MARK2: variants seen among roughly 807,000 people sequenced by gnomAD.
MARK2 encodes microtubule affinity regulating kinase 2.
MARK2 carries 16 observed loss-of-function variants against 89.8 expected under a neutral mutation model. The ratio of observed to expected loss-of-function variants is 0.18; its 90% CI spans 0.12 to 0.27. The LOEUF (loss-of-function observed/expected upper bound fraction) is 0.27, where lower values mean the gene tolerates loss of function less well. Ranked by LOEUF, MARK2 falls within the 10% of genes least tolerant of loss-of-function variation. The pLI is 1.00. For synonymous variants in MARK2, 382 were observed against 399.5 expected (o/e 0.96, Z 0.52); for missense variants, 621 against 1,049.9 (o/e 0.59, Z 5.65).
Position 63,900,929 on chromosome 11 carries a change from A to G in MARK2, c.989-28A>G. On this transcript the variant is annotated intron_variant, in intron 10 of 18. Coordinates refer to ENST00000402010, the MANE Select transcript of MARK2 (RefSeq NM_001039469.3). The surrounding 1 kb of genome is among the most constrained non-coding windows in gnomAD (Gnocchi z 4.7). ...TTAAGCTTGCCTAGGAGTTGAGGCCAGTCTTAACTGTATGTCCCCCTGTGC... is the reference window on the plus strand; with the variant it reads ...TTAAGCTTGCCTAGGAGTTGAGGCCGGTCTTAACTGTATGTCCCCCTGTGC... The G allele has an allele frequency of 6.2e-7, 1 of 1,609,282 alleles. No individual in the cohort carries two copies. Among genetic ancestry groups the G allele is most frequent in the Non-Finnish European group, 8.5e-7 (1 of 1,175,474 alleles).
intron 1 of MARK2, among the ~76,000 whole-genome samples, chr11:63,871,558 T>C (rs1591018262): frequency 6.8e-6 from 1 of 146,436 alleles, no homozygotes; most frequent in Non-Finnish European, 1.5e-5. Context: ...GAGTATTCAC[T>C]GTGTGCAGGT....
At chr11:63,861,919 TCTTTC>T (rs1469170454) in intron 1 of MARK2, among the ~76,000 whole-genome samples, 2 of 133,350 alleles carry the variant, frequency 1.5e-5, no homozygotes, top group South Asian at 3.1e-4. Context: ...TTTCTTTCTT[TCTTTC>T]TTTTTTTTTT....
At chr11:63,885,588 A>T (rs557883949) in intron 1 of MARK2, among the ~76,000 whole-genome samples, 1 of 151,864 alleles carries the variant, frequency 6.6e-6, no homozygotes, top group African/African-American at 2.4e-5. Flanking sequence ...TAATCCCAGC[A>T]CTTTGGGAGG....
rs1323414449 is a variant in MARK2 at position 63,899,237 on chromosome 11, C to T, written c.531+129C>T. 6.2e-6 allele frequency: 4 copies of T among 650,234 alleles called. No homozygotes were observed. The East Asian group carries it at 1.0e-4, about 16-fold the overall frequency. 40.3% of individuals were successfully genotyped at this position (650,234 alleles called of 1,614,324 possible). ...AGGAAACTCCAGCCTTTCTTTTTTT[C>T]TTTCTTTCTTTCTTTTTTTTTTTTT... is the stretch of plus-strand genomic sequence containing the variant. On this transcript the variant is annotated intron_variant, in intron 7 of 18. Coordinates refer to ENST00000402010, the MANE Select transcript of MARK2 (RefSeq NM_001039469.3).
Position 63,900,807 on chromosome 11 carries a change from G to A in MARK2, c.916G>A (p.Val306Met), listed in dbSNP as rs1174210431. The A allele has an allele frequency of 1.2e-6, 2 of 1,614,174 alleles. No homozygotes were observed. Among genetic ancestry groups the A allele is most frequent in the Admixed American group, 3.3e-5 (2 of 60,026 alleles). ...AATCATGAAAGATCGATGGATGAATGTGGGTCACGAAGATGATGAACTAAA... is the reference window on the plus strand; with the variant it reads ...AATCATGAAAGATCGATGGATGAATATGGGTCACGAAGATGATGAACTAAA... ...EQIMKDRWMN[V>M]GHEDDELKPY... The change falls in exon 10 of 19, where the codon GTG becomes ATG. Residue 306 changes from valine (V) to methionine (M), a missense_variant. Val to Met is a conservative substitution (Grantham distance 21). Transcript: ENST00000402010. The surrounding 1 kb of genome is among the most constrained non-coding windows in gnomAD (Gnocchi z 4.7).
Position 63,902,850 on chromosome 11 carries a change from T to C in MARK2, c.1416+68T>C. ...GCCTGCCCTCTCCAGGCAGCTCTTC[T>C]CTTAATTCAGACTCTGTTCCCTTTG... On this transcript the variant is annotated intron_variant, in intron 13 of 18. Transcript: ENST00000402010. The surrounding 1 kb of genome is among the most constrained non-coding windows in gnomAD (Gnocchi z 4.2). 1 of 1,351,956 alleles carries C rather than the reference T, an allele frequency of 7.4e-7. No homozygotes were observed. The highest frequency in any genetic ancestry group is 2.2e-4 in the Middle Eastern group (1 of 4,606). 83.7% of individuals were successfully genotyped at this position (1,351,956 alleles called of 1,614,324 possible).
intron 7 of MARK2, among the ~76,000 whole-genome samples, 172 bp downstream of exon 7, chr11:63,899,280 C>G (rs1326625500): frequency 6.6e-6 from 1 of 151,666 alleles, no homozygotes; most frequent in Non-Finnish European, 1.5e-5. Flanking sequence ...CCAGAAAGCC[C>G]CTAGGGCTGC....
intron 1 of MARK2, among the ~76,000 whole-genome samples, chr11:63,855,479 G>A (rs1192996513): frequency 1.3e-5 from 2 of 150,898 alleles, no homozygotes; most frequent in African/African-American, 4.9e-5. Context: ...TTGTGATTGT[G>A]CCACTGTACC....
chr11:63,906,111 G>A lies in MARK2; in HGVS notation c.1958G>A (p.Arg653Lys), dbSNP rs1941310281. 3 of 1,338,956 alleles carry A rather than the reference G, an allele frequency of 2.2e-6. No homozygotes were observed. Among genetic ancestry groups the A allele is most frequent in the African/African-American group, 3.1e-5 (2 of 65,028 alleles). 82.9% of individuals were successfully genotyped at this position (1,338,956 alleles called of 1,614,324 possible). A position where few individuals can be genotyped will look rare whatever the true frequency, so the allele number is the denominator to read the frequency against. The change falls in exon 17 of 19, where the codon AGA (arginine) becomes AAA (lysine). Residue 653 changes from arginine to lysine, a missense_variant. Arg to Lys is a conservative substitution (Grantham distance 26). Around this residue, in one of 5 missense-constraint regions of MARK2, gnomAD observed 397 missense variants for 567.8 expected, o/e 0.70. Transcript: ENST00000402010. The stretch of plus-strand genomic sequence containing the variant: ...AGAAATCTGTCTTTCAGGTTTGCCA[G>A]AAGGTAGGCGTTGAGCCCGCTGTGT... ...VRRNLSFRFARRNLNEPESKD... is the reference protein window; with the variant it reads ...VRRNLSFRFAKRNLNEPESKD...
intron 1 of MARK2, among the ~76,000 whole-genome samples, chr11:63,865,371 T>A (rs560645813): frequency 6.6e-6 from 1 of 152,344 alleles, no homozygotes; most frequent in East Asian, 1.9e-4. Context: ...CCCAAGTAGC[T>A]GGGACCACAG....
chr11:63,843,879 A>AT (rs922902493), intron 1 of MARK2, among the ~76,000 whole-genome samples: 7 of 149,074 alleles, frequency 4.7e-5, no homozygotes, highest in South Asian at 2.1e-4. Context: ...CTGGATAAAT[A>AT]TTTTTTTTTT....
At chr11:63,871,970 A>C (rs1012310484) in intron 1 of MARK2, among the ~76,000 whole-genome samples, 1 of 152,210 alleles carries the variant, frequency 6.6e-6, no homozygotes. Context: ...GGCTGAGGGC[A>C]CTGTGAGGCT....
rs1940751246 is a variant in MARK2, at chr11:63,900,244, C to T, written c.768+134C>T. 1.3e-6 allele frequency: 1 copy of T among 750,888 alleles called. No individual in the cohort carries two copies. The highest frequency in any genetic ancestry group is 2.3e-6 in the Non-Finnish European group (1 of 438,918). The allele number at this position is 750,888 out of a possible 1,614,324, so 46.5% of individuals were successfully genotyped here. ...TTCAGAGAAGGGCTTGCTGAGGTAG[C>T]AGCAGTCAAAGGCCTTCTGCACCTG... On this transcript the variant is annotated intron_variant, in intron 8 of 18. Coordinates refer to ENST00000402010, the MANE Select transcript of MARK2 (RefSeq NM_001039469.3). This position sits in a 1 kb window ranked among gnomAD's most constrained non-coding sequence, Gnocchi z 4.7.
intron 1 of MARK2, among the ~76,000 whole-genome samples, chr11:63,881,459 T>TTGGGGTCGAGAG (rs879607860): frequency 1.3e-4 from 20 of 152,118 alleles, no homozygotes; most frequent in African/African-American, 4.8e-4. Context: ...CCCTTATCTC[T>TTGGGGTCGAGAG]TGGGGTCGAG....
rs766546423 is a variant in MARK2 at position 63,900,154 on chromosome 11, G to A, written c.768+44G>A. 17 of 1,456,382 alleles carry A rather than the reference G, an allele frequency of 1.2e-5. No individual in the cohort carries two copies. Among genetic ancestry groups the A allele is most frequent in the South Asian group, 9.1e-5 (8 of 87,586 alleles). 90.2% of individuals were successfully genotyped at this position (1,456,382 alleles called of 1,614,324 possible). A position where few individuals can be genotyped will look rare whatever the true frequency, so the allele number is the denominator to read the frequency against. ...TTTTTATTGCTTCTCATTTCCTCTC[G>A]GCCTCTGGTCTTAGCCCTGACCTCC... On this transcript the variant is annotated intron_variant, in intron 8 of 18. Coordinates refer to ENST00000402010, the MANE Select transcript of MARK2 (RefSeq NM_001039469.3). This position sits in a 1 kb window ranked among gnomAD's most constrained non-coding sequence, Gnocchi z 4.7.
In MARK2 at chr11:63,908,999, T is replaced by G; in HGVS notation, c.2129T>G (p.Met710Arg). Residue 710 changes from methionine to arginine, a missense_variant, in exon 19 of 19, where the codon ATG (methionine) becomes AGG (arginine). By Grantham distance (91) the Met-to-Arg change is moderately conservative. Coordinates refer to ENST00000402010, the MANE Select transcript of MARK2 (RefSeq NM_001039469.3). ...ACGAGCTCCATGGAGCCCAACGAGA[T>G]GATGCGGGAGATCCGCAAGGTGCTG... ...KTTSSMEPNE[M>R]MREIRKVLDA... 1 of 1,580,906 alleles carries G rather than the reference T, an allele frequency of 6.3e-7. No homozygotes were observed. Among genetic ancestry groups the G allele is most frequent in the Non-Finnish European group, 8.7e-7 (1 of 1,153,848 alleles).
In MARK2 at chr11:63,851,304, T is replaced by C. The variant is rs1377884304; in HGVS notation, c.54+11744T>C. Among the ~76,000 whole-genome samples, 10 of 152,102 alleles carry C rather than the reference T, an allele frequency of 6.6e-5. No individual in the cohort carries two copies. In the East Asian group the frequency reaches 1.9e-3, roughly 29 times the overall value. ...AGCTGTGGCTGGGGGAAGGTAACAG[T>C]GTCCCCTCAGAACTCATGGAGATGC... On this transcript the variant is annotated intron_variant, in intron 1 of 18. Coordinates refer to ENST00000402010, the MANE Select transcript of MARK2 (RefSeq NM_001039469.3).
chr11:63,846,128 C>T (rs749842932), intron 1 of MARK2, among the ~76,000 whole-genome samples: 1 of 152,144 alleles, frequency 6.6e-6, no homozygotes, highest in Non-Finnish European at 1.5e-5. Flanking sequence ...GGAGGCATCC[C>T]AGTTCCTCCT....
chr11:63,866,123 G>A (rs1304322944), intron 1 of MARK2, among the ~76,000 whole-genome samples: 1 of 151,914 alleles, frequency 6.6e-6, no homozygotes, highest in Admixed American at 6.6e-5. Flanking sequence ...TGGTCGAGGC[G>A]GGCAGATCAC....
Sources: allele counts gnomAD v4.1 joint callset (sites outside exome capture counted in the v4.1 genomes callset), GRCh38; gene constraint gnomAD v4.1.1; regional missense constraint gnomAD v4.1.1; non-coding constraint Gnocchi (gnomAD v3.1); transcripts MANE v1.5; gene names NCBI Gene and HGNC (gene_info 2026-07-23, HGNC 2026-07-21).